Variants in TBC1D10A observed in about 807,000 individuals in gnomAD.
The protein encoded by TBC1D10A is TBC1 domain family member 10A.
Under a neutral mutation model 52.9 loss-of-function variants are expected in TBC1D10A, and 24 were observed. That is an observed-to-expected ratio of 0.45 (90% CI 0.33 to 0.64). The LOEUF is 0.64. TBC1D10A is among the 30% of genes least tolerant of loss of function. The pLI is 0.02. For synonymous variants in TBC1D10A, 278 were observed against 282.9 expected, an observed-to-expected ratio of 0.98 and a Z score of 0.17; for missense variants, 602 against 687.9, an observed-to-expected ratio of 0.88 and a Z score of 1.40.
rs1333361743 is a variant in TBC1D10A at position 30,326,929 on chromosome 22, T to C, written c.-48A>G. ...GCTCCAGCGGCCACCTCAGCCGCCC[T>C]GCTGCCGCCGACGCCCCGCCCACGC... On this transcript the variant is annotated 5_prime_UTR_variant, in exon 1 of 9. Transcript: ENST00000215790. 2.2e-6 allele frequency: 3 copies of C among 1,374,768 alleles called. No homozygotes were observed. The highest frequency in any genetic ancestry group is 1.5e-5 in the African/African-American group (1 of 65,598). 85.2% of individuals were successfully genotyped at this position (1,374,768 alleles called of 1,614,324 possible).
intron 1 of TBC1D10A, among the ~76,000 whole-genome samples, chr22:30,309,053 A>T (rs970382036): frequency 6.6e-6 from 1 of 152,096 alleles, no homozygotes; most frequent in Admixed American, 6.5e-5. Context: ...CCTTCTCCAG[A>T]TGCTTCTGTG....
At chr22:30,313,020 C>T (rs1013749463) in intron 1 of TBC1D10A, among the ~76,000 whole-genome samples, 2 of 152,030 alleles carry the variant, frequency 1.3e-5, no homozygotes, top group African/African-American at 4.8e-5. Flanking sequence ...AGGGTGAGGA[C>T]GGGCTGTTTA....
In TBC1D10A at chr22:30,293,622, C is replaced by G. The variant is rs371572131; in HGVS notation, c.1050+29G>C. The stretch of plus-strand genomic sequence containing the variant: ...GACCCCCACCTGTCTTCCTCCCTCC[C>G]CATGATAAGGGGCAGGCATGGGCTG... On this transcript the variant is annotated intron_variant, in intron 8 of 8. Coordinates refer to ENST00000215790, the MANE Select transcript of TBC1D10A (RefSeq NM_031937.3). 40 of 1,585,948 alleles carry G rather than the reference C, an allele frequency of 2.5e-5. No homozygotes were observed. In the African/African-American group the frequency reaches 4.2e-4, roughly 17 times the overall value.
chr22:30,302,573 C>T (rs1269430443), intron 2 of TBC1D10A, among the ~76,000 whole-genome samples: 1 of 152,226 alleles, frequency 6.6e-6, no homozygotes. Context: ...GCAGGAAGAG[C>T]CCCGAGGGCA....
At chr22:30,303,635 C>G (rs975168520) in intron 2 of TBC1D10A, among the ~76,000 whole-genome samples, 3 of 152,220 alleles carry the variant, frequency 2.0e-5, no homozygotes, top group African/African-American at 7.2e-5. Flanking sequence ...CTGTGAGGCC[C>G]GGCAGCCAGC....
rs764143746 is a variant in TBC1D10A, at chr22:30,293,934, C to T, written c.882G>A (p.Met294Ile). ...CCAGCCCAGTACCTTCACAGAAGAA[C>T]ATGTCCCAGACACGCAGCACAGAGC... The part of the protein sequence containing the change: ...PWSSVLRVWD[M>I]FFCEGVKIIF... Residue 294 changes from methionine (M) to isoleucine (I), a missense_variant, in exon 7 of 9, where the codon ATG becomes ATA. Transcript: ENST00000215790. The T allele has an allele frequency of 1.5e-5, 24 of 1,613,512 alleles. No homozygotes were observed. The highest frequency in any genetic ancestry group is 1.8e-5 in the Non-Finnish European group (21 of 1,179,580).
intron 2 of TBC1D10A, among the ~76,000 whole-genome samples, chr22:30,302,249 T>TGGCCAGAA (rs1930216514): frequency 6.6e-6 from 1 of 152,202 alleles, no homozygotes; most frequent in Non-Finnish European, 1.5e-5. Context: ...CACAGAGGAT[T>TGGCCAGAA]ACCATTCTCT....
chr22:30,302,984 T>C (rs1055076630), intron 2 of TBC1D10A, among the ~76,000 whole-genome samples: 1 of 152,222 alleles, frequency 6.6e-6, no homozygotes, highest in Non-Finnish European at 1.5e-5. Flanking sequence ...AACATTGTTT[T>C]TTAAAAAAGA....
chr22:30,294,754 G>A, intron 6 of TBC1D10A, 42 bp downstream of exon 6: 1 of 1,612,848 alleles, frequency 6.2e-7, no homozygotes, highest in Non-Finnish European at 8.5e-7. Context: ...GGCCACAGAG[G>A]GTGTCCAGCC....
Position 30,299,622 on chromosome 22 carries a change from A to G in TBC1D10A, c.310-71T>C, listed in dbSNP as rs1930158897. 7.0e-6 allele frequency: 10 copies of G among 1,423,648 alleles called. No homozygotes were observed. In the Admixed American group the frequency reaches 7.1e-5, roughly 10 times the overall value. 88.2% of individuals were successfully genotyped at this position (1,423,648 alleles called of 1,614,324 possible). A position where few individuals can be genotyped will look rare whatever the true frequency, so the allele number is the denominator to read the frequency against. On this transcript the variant is annotated intron_variant, in intron 2 of 8. Transcript: ENST00000215790. The stretch of plus-strand genomic sequence containing the variant: ...CTCCCCTAGCCCAGCCCCTCTGCCA[A>G]TGCGTGGTGGGCCCTCAGTGCACAC...
At position 30,297,713 on chromosome 22, in the gene TBC1D10A, C is replaced by T. The variant is rs779254446; in HGVS notation, c.417+1731G>A. The T allele has an allele frequency of 6.6e-6, 1 of 152,288 alleles. No homozygotes were observed. The allele number at this position is 152,288 out of a possible 1,614,324, so 9.4% of individuals were successfully genotyped here. A position where few individuals can be genotyped will look rare whatever the true frequency, so the allele number is the denominator to read the frequency against. ...GAAGGAGCCACCAGCACCTGCAGAGCCTGCCCTGAATGCTGAGGTTGGGAT... is the reference window on the plus strand; with the variant it reads ...GAAGGAGCCACCAGCACCTGCAGAGTCTGCCCTGAATGCTGAGGTTGGGAT... On this transcript the variant is annotated intron_variant, in intron 3 of 8. Transcript: ENST00000215790. This position sits in a 1 kb window ranked among gnomAD's most constrained non-coding sequence, Gnocchi z 4.3.
At chr22:30,305,678 T>G (rs1249816348) in intron 1 of TBC1D10A, 1 of 152,218 alleles carries the variant, frequency 6.6e-6, no homozygotes, top group African/African-American at 2.4e-5. Flanking sequence ...ATCCTCTCTC[T>G]GCCGGAAGGA....
intron 1 of TBC1D10A, among the ~76,000 whole-genome samples, chr22:30,324,657 A>G (rs1444061445): frequency 1.3e-5 from 2 of 152,150 alleles, no homozygotes; most frequent in African/African-American, 4.8e-5. Context: ...AGACCCTTAG[A>G]AGGAAAGAAA....
At chr22:30,295,700 G>C in intron 4 of TBC1D10A, 37 bp downstream of exon 4, 1 of 1,607,416 alleles carries the variant, frequency 6.2e-7, no homozygotes, top group Non-Finnish European at 8.5e-7. Flanking sequence ...ACAGGCCCTA[G>C]AGCCACCTCC....
intron 1 of TBC1D10A, 43 bp downstream of exon 1, chr22:30,326,630 C>T (rs1417340454): frequency 3.2e-6 from 5 of 1,547,662 alleles, no homozygotes; most frequent in Non-Finnish European, 4.3e-6. Flanking sequence ...CGAGGCCCCT[C>T]GCGTGGGTGG....
intron 8 of TBC1D10A, chr22:30,293,439 C>A: frequency 1.3e-6 from 1 of 784,060 alleles, no homozygotes; most frequent in Non-Finnish European, 2.2e-6. Context: ...CCAAGCGGCT[C>A]GGATCCAGAA....
intron 3 of TBC1D10A, chr22:30,296,198 A>C: frequency 1.8e-5 from 4 of 220,512 alleles, no homozygotes; most frequent in Non-Finnish European, 3.6e-5. Context: ...TTCTCTGAGC[A>C]ATAGCTACCA....
intron 1 of TBC1D10A, among the ~76,000 whole-genome samples, chr22:30,321,389 T>C (rs1930649320): frequency 6.6e-6 from 1 of 152,204 alleles, no homozygotes; most frequent in African/African-American, 2.4e-5. Context: ...GTAGATGCTC[T>C]GAGTTTACTA....
In TBC1D10A at chr22:30,294,021, G is replaced by A. The variant is rs748854809; in HGVS notation, c.795C>T (p.Ile265=). 12 of 1,614,158 alleles carry A rather than the reference G, an allele frequency of 7.4e-6. No individual in the cohort carries two copies. Among genetic ancestry groups the A allele is most frequent in the East Asian group, 2.2e-5 (1 of 44,872 alleles). Residue 265 remains isoleucine (I), a synonymous_variant, in exon 7 of 9, where the codon ATC becomes ATT. Transcript: ENST00000215790. ...ATTCTGTCATATAGAGGAGCGGGTC[G>A]ATCTTCTGACGGCTGAGGTGCTTGT... The part of the protein sequence containing the change: ...VAHKHLSRQK[I]DPLLYMTEWF...
Sources: allele counts gnomAD v4.1 joint callset (sites outside exome capture counted in the v4.1 genomes callset), GRCh38; gene constraint gnomAD v4.1.1; non-coding constraint Gnocchi (gnomAD v3.1); transcripts MANE v1.5; gene names NCBI Gene and HGNC (gene_info 2026-07-23, HGNC 2026-07-21).